The following RANBP2 variants were observed in gnomAD, a reference collection of about 807,000 sequenced individuals.
The protein encoded by RANBP2 is E3 SUMO-protein ligase RanBP2.
In RANBP2, 57 loss-of-function variants were observed where a neutral mutation model predicts 303.6. The observed-to-expected ratio is 0.19, with a 90% CI of 0.15 to 0.23. RANBP2 has a LOEUF of 0.23. Among genes scored for constraint, RANBP2 ranks in the 10% least tolerant of loss-of-function variants. The pLI, the probability that RANBP2 is intolerant of heterozygous loss-of-function variation, is 1.00. For missense variants in RANBP2, 3,138 were observed against 3,780.8 expected, an observed-to-expected ratio of 0.83 and a Z score of 4.46; for synonymous variants, 1,167 against 1,301.5, an observed-to-expected ratio of 0.90 and a Z score of 2.23.
the RANBP2 span, among the ~76,000 whole-genome samples, chr2:108,985,387 CG>C: frequency 2.6e-5 from 4 of 152,306 alleles, no homozygotes; most frequent in Non-Finnish European, 5.9e-5. Flanking sequence ...TCTGATTGAC[CG>C]TGAAGTGAGT....
chr2:109,344,044 C>G, the RANBP2 span, among the ~76,000 whole-genome samples: 2 of 152,176 alleles, frequency 1.3e-5, no homozygotes, highest in Non-Finnish European at 2.9e-5. Context: ...ATACCCGTCC[C>G]CAGATCCTTC....
chr2:109,346,113 GGGCT>G, the RANBP2 span, among the ~76,000 whole-genome samples: 1 of 152,132 alleles, frequency 6.6e-6, no homozygotes, highest in African/African-American at 2.4e-5. Flanking sequence ...TCTAAAATTG[GGGCT>G]CGTTACACAC....
At chr2:109,366,726 G>A in the RANBP2 span, among the ~76,000 whole-genome samples, 2 of 152,116 alleles carry the variant, frequency 1.3e-5, no homozygotes, top group African/African-American at 2.4e-5. Context: ...GGTGGCACAC[G>A]CCTGTGGTCC....
At chr2:109,277,784 A>G in the RANBP2 span, among the ~76,000 whole-genome samples, 3 of 152,150 alleles carry the variant, frequency 2.0e-5, no homozygotes, top group African/African-American at 4.8e-5. Flanking sequence ...TTACTTGGAA[A>G]ATTAAGTTCT....
At chr2:108,868,786 A>G in the RANBP2 span, among the ~76,000 whole-genome samples, 98 of 152,318 alleles carry the variant, frequency 6.4e-4, no homozygotes, top group African/African-American at 2.4e-3. Flanking sequence ...GAACATTTTC[A>G]TGAGAAAACT....
the RANBP2 span, among the ~76,000 whole-genome samples, chr2:109,243,929 C>T: frequency 1.3e-5 from 2 of 152,182 alleles, no homozygotes; most frequent in Non-Finnish European, 2.9e-5. Context: ...CAGAAGAGCT[C>T]ATGCCACCGA....
chr2:109,426,128 C>CT, the RANBP2 span, among the ~76,000 whole-genome samples: 1 of 152,174 alleles, frequency 6.6e-6, no homozygotes, highest in African/African-American at 2.4e-5. Flanking sequence ...AGGCTGGTGT[C>CT]TAACTCCTGA....
the RANBP2 span, among the ~76,000 whole-genome samples, chr2:109,542,332 C>T: frequency 6.6e-6 from 1 of 152,200 alleles, no homozygotes; most frequent in Non-Finnish European, 1.5e-5. Context: ...GGCTTTCTCA[C>T]AGCAGTCATC....
chr2:108,998,418 T>C, the RANBP2 span, among the ~76,000 whole-genome samples: 3 of 152,180 alleles, frequency 2.0e-5, no homozygotes, highest in African/African-American at 7.2e-5. Flanking sequence ...CTTGTATTCG[T>C]GGAGTGGAAA....
chr2:108,883,097 C>G, the RANBP2 span: 1 of 152,206 alleles, frequency 6.6e-6, no homozygotes, highest in Non-Finnish European at 1.5e-5. Context: ...TTCAACCCAT[C>G]CTCTATATTT....
the RANBP2 span, among the ~76,000 whole-genome samples, chr2:109,766,394 G>A: frequency 1.3e-5 from 2 of 150,578 alleles, no homozygotes; most frequent in Admixed American, 1.4e-4. Flanking sequence ...AGTTCAGGGC[G>A]CCGAGAACTT....
At chr2:108,865,986 G>A in the RANBP2 span, among the ~76,000 whole-genome samples, 1 of 152,190 alleles carries the variant, frequency 6.6e-6, no homozygotes, top group Non-Finnish European at 1.5e-5. Context: ...TTCCTGGGGA[G>A]AAGCTAGGAG....
At chr2:109,317,762 C>T in the RANBP2 span, among the ~76,000 whole-genome samples, 15 of 152,264 alleles carry the variant, frequency 9.9e-5, no homozygotes, top group Middle Eastern at 6.8e-3. Flanking sequence ...GGCTTCTGCT[C>T]GTGAGTGCCT....
chr2:108,744,418 A>G (rs1242941112), intron 7 of RANBP2, among the ~76,000 whole-genome samples: 3 of 148,746 alleles, frequency 2.0e-5, no homozygotes, highest in African/African-American at 7.6e-5. Flanking sequence ...AAAAAAAAAA[A>G]GGAAATAGTG....
At chr2:109,403,040 C>A in the RANBP2 span, among the ~76,000 whole-genome samples, 1 of 152,130 alleles carries the variant, frequency 6.6e-6, no homozygotes. Context: ...CTTAGCTGGC[C>A]GAATTAAGGG....
chr2:109,536,131 C>CTA, the RANBP2 span, among the ~76,000 whole-genome samples: 2 of 152,102 alleles, frequency 1.3e-5, no homozygotes, highest in Non-Finnish European at 2.9e-5. Context: ...AACAGAGTCC[C>CTA]TACTGGGGCA....
At chr2:108,808,474 C>T in the RANBP2 span, among the ~76,000 whole-genome samples, 2 of 152,130 alleles carry the variant, frequency 1.3e-5, no homozygotes, top group East Asian at 1.9e-4. Flanking sequence ...TTTATATCCC[C>T]ACCAACAATG....
At chr2:109,295,106 T>C in the RANBP2 span, among the ~76,000 whole-genome samples, 1 of 152,174 alleles carries the variant, frequency 6.6e-6, no homozygotes, top group East Asian at 1.9e-4. Context: ...AGACTTAGAG[T>C]ATCTCATCCA....
the RANBP2 span, chr2:108,923,379 T>G: frequency 6.2e-7 from 1 of 1,614,148 alleles, no homozygotes; most frequent in South Asian, 1.1e-5. Context: ...TTCCTTGGTG[T>G]TGGGGGGTGC....
Sources: allele counts gnomAD v4.1 joint callset (sites outside exome capture counted in the v4.1 genomes callset), GRCh38; gene constraint gnomAD v4.1.1; transcripts MANE v1.5; gene names NCBI Gene and HGNC (gene_info 2026-07-23, HGNC 2026-07-21).